PLXNA4: variants seen among roughly 807,000 people sequenced by gnomAD.
PLXNA4 encodes the protein plexin A4.
Under a neutral mutation model 191.8 loss-of-function variants are expected in PLXNA4, and 44 were observed. That is an observed-to-expected ratio of 0.23 (90% CI 0.18 to 0.29). The LOEUF (loss-of-function observed/expected upper bound fraction) is 0.29. Among genes scored for constraint, PLXNA4 ranks in the 10% least tolerant of loss-of-function variants. The pLI, the probability that PLXNA4 is intolerant of heterozygous loss-of-function variation, is 1.00. For synonymous variants in PLXNA4, 1,082 were observed against 1,009.5 expected, an observed-to-expected ratio of 1.07 and a Z score of -1.36; for missense variants, 1,800 against 2,488.8, an observed-to-expected ratio of 0.72 and a Z score of 5.89.
intron 4 of PLXNA4, among the ~76,000 whole-genome samples, chr7:132,258,240 C>T (rs11772044): frequency 0.11 from 16,425 of 152,318 alleles, 1,019 homozygotes; most frequent in Middle Eastern, 0.18. Context: ...CAAATAGCTG[C>T]TGTGTCGACG....
At chr7:132,421,141 C>A (rs1794836760) in intron 3 of PLXNA4, among the ~76,000 whole-genome samples, 1 of 152,156 alleles carries the variant, frequency 6.6e-6, no homozygotes. Flanking sequence ...TACTTTCTGT[C>A]TTTATGAATT....
chr7:132,312,505 T>C (rs1275101213), intron 3 of PLXNA4, among the ~76,000 whole-genome samples: 1 of 152,172 alleles, frequency 6.6e-6, no homozygotes, highest in African/African-American at 2.4e-5. Context: ...TAATGATCAA[T>C]ATGTTAATAT....
intron 1 of PLXNA4, among the ~76,000 whole-genome samples, chr7:132,526,290 A>G (rs1585276085): frequency 6.6e-6 from 1 of 152,262 alleles, no homozygotes; most frequent in East Asian, 1.9e-4. Flanking sequence ...CCATGGCCCC[A>G]TGGAGACATA....
chr7:132,362,378 C>G (rs1682200954), intron 3 of PLXNA4, among the ~76,000 whole-genome samples: 1 of 152,192 alleles, frequency 6.6e-6, no homozygotes, highest in South Asian at 2.1e-4. Flanking sequence ...TAACTAGCCC[C>G]CTTGCTCTCC....
At chr7:132,138,066 T>A (rs1795165359) in intron 30 of PLXNA4, among the ~76,000 whole-genome samples, 1 of 152,142 alleles carries the variant, frequency 6.6e-6, no homozygotes, top group African/African-American at 2.4e-5. Context: ...CTCAACATAC[T>A]GGCAGAATCA....
At chr7:132,566,025 T>C (rs1801707997) in intron 1 of PLXNA4, among the ~76,000 whole-genome samples, 1 of 152,232 alleles carries the variant, frequency 6.6e-6, no homozygotes. Context: ...ATTTCTCTGA[T>C]TCCTATAATT....
intron 1 of PLXNA4, chr7:132,648,461 C>T (rs1803927746): frequency 6.6e-6 from 1 of 152,226 alleles, no homozygotes; most frequent in South Asian, 2.1e-4. Flanking sequence ...TAATGCTGCT[C>T]AGTATCCCCA....
intron 6 of PLXNA4, among the ~76,000 whole-genome samples, chr7:132,227,966 T>G (rs1366931500): frequency 6.6e-6 from 1 of 152,194 alleles, no homozygotes; most frequent in East Asian, 1.9e-4. Flanking sequence ...AACCACCAAG[T>G]GCTCAGTGCT....
intron 9 of PLXNA4, among the ~76,000 whole-genome samples, chr7:132,213,373 T>C (rs941308573): frequency 6.6e-6 from 1 of 152,242 alleles, no homozygotes; most frequent in Non-Finnish European, 1.5e-5. Flanking sequence ...GTAAATGTTA[T>C]GATATGTGTA....
chr7:132,267,483 G>A (rs1799901072), intron 4 of PLXNA4, among the ~76,000 whole-genome samples: 1 of 152,214 alleles, frequency 6.6e-6, no homozygotes, highest in African/African-American at 2.4e-5. Flanking sequence ...CTAATCATGA[G>A]TCTAGACACA....
chr7:132,193,683 C>T (rs1726342389), intron 14 of PLXNA4, among the ~76,000 whole-genome samples: 1 of 152,206 alleles, frequency 6.6e-6, no homozygotes, highest in Non-Finnish European at 1.5e-5. Context: ...TGTTGAGCAA[C>T]TTGCCCACAT....
intron 4 of PLXNA4, among the ~76,000 whole-genome samples, chr7:132,297,722 G>A (rs1801142497): frequency 6.6e-6 from 1 of 152,124 alleles, no homozygotes; most frequent in African/African-American, 2.4e-5. Flanking sequence ...GCTTCTGGGG[G>A]CCAGGAAGGT....
At chr7:132,456,765 G>C (rs114853734) in intron 3 of PLXNA4, among the ~76,000 whole-genome samples, 1 of 152,120 alleles carries the variant, frequency 6.6e-6, no homozygotes, top group African/African-American at 2.4e-5. Context: ...TGAGGGCAGG[G>C]CTCCCTCTCC....
intron 13 of PLXNA4, among the ~76,000 whole-genome samples, chr7:132,197,548 A>G (rs905898772): frequency 6.6e-6 from 1 of 152,224 alleles, no homozygotes; most frequent in Non-Finnish European, 1.5e-5. Context: ...GAAAGGTGTC[A>G]GAAAGTTGAA....
chr7:132,234,785 T>C (rs1473980191), intron 5 of PLXNA4, among the ~76,000 whole-genome samples: 1 of 152,136 alleles, frequency 6.6e-6, no homozygotes, highest in Non-Finnish European at 1.5e-5. Flanking sequence ...CAGAGGCTGA[T>C]AGCTTTTTGG....
At chr7:132,523,631 C>T (rs1294022642) in intron 1 of PLXNA4, among the ~76,000 whole-genome samples, 8 of 152,288 alleles carry the variant, frequency 5.3e-5, no homozygotes, top group Non-Finnish European at 1.0e-4. Flanking sequence ...GGGTCTATGG[C>T]TAGCAAGCTC....
At chr7:132,524,505 AC>A (rs1177605227) in intron 1 of PLXNA4, among the ~76,000 whole-genome samples, 1 of 152,226 alleles carries the variant, frequency 6.6e-6, no homozygotes, top group African/African-American at 2.4e-5. Flanking sequence ...ATTATATAAA[AC>A]AGTGAAGGGC....
At chr7:132,131,813 T>C (rs1182785366) in intron 31 of PLXNA4, among the ~76,000 whole-genome samples, 1 of 152,220 alleles carries the variant, frequency 6.6e-6, no homozygotes, top group East Asian at 1.9e-4. Flanking sequence ...AATACTAACC[T>C]GCAGACTGGC....
At chr7:132,217,361 G>A (rs1024850506) in intron 9 of PLXNA4, among the ~76,000 whole-genome samples, 1 of 152,188 alleles carries the variant, frequency 6.6e-6, no homozygotes, top group African/African-American at 2.4e-5. Context: ...TGCCTTCAGG[G>A]CTGGTGCTGC....
Sources: allele counts gnomAD v4.1 joint callset (sites outside exome capture counted in the v4.1 genomes callset), GRCh38; gene constraint gnomAD v4.1.1; transcripts MANE v1.5; gene names NCBI Gene and HGNC (gene_info 2026-07-23, HGNC 2026-07-21).